The following ZNF470 variants were observed in gnomAD, a reference collection of about 807,000 sequenced individuals.
ZNF470 encodes zinc finger protein 470.
In ZNF470, 13 loss-of-function variants were observed where a neutral mutation model predicts 13.9. The observed-to-expected ratio is 0.94, with a 90% CI of 0.61 to 1.49. ZNF470 has a LOEUF of 1.49. ZNF470 is among the 40% of genes most tolerant of loss of function. The pLI, the probability that ZNF470 is intolerant of heterozygous loss-of-function variation, is 0.00. For missense variants in ZNF470, 929 were observed against 857.3 expected (o/e 1.08, Z -1.04); for synonymous variants, 293 against 282.9 (o/e 1.04, Z -0.36).
Position 56,579,988 on chromosome 19 carries a change from CA to C in ZNF470, c.*1406del. 1 of 321,446 alleles carries C rather than the reference CA, an allele frequency of 3.1e-6. No individual in the cohort carries two copies. Among genetic ancestry groups the C allele is most frequent in the Non-Finnish European group, 4.5e-6 (1 of 224,178 alleles). The allele number at this position is 321,446 out of a possible 1,614,324, so 19.9% of individuals were successfully genotyped here. On this transcript the variant is annotated 3_prime_UTR_variant, in exon 6 of 6. Transcript: ENST00000330619. ...ACACTATTTTAGGTGCTGGGGGATA[CA>C]GTAAGGTACAAGATGGACAAAAATA...
rs7508547 is a variant in ZNF470, at chr19:56,578,207, A to G, written c.1778A>G (p.Tyr593Cys). ...AGACTCCACAGTGGCAAAAGACCGT[A>G]TGAATGTCTTGAATGTGGGAAGGCA... ...HQRLHSGKRP[Y>C]ECLECGKAFR... The change falls in exon 6 of 6, where the codon TAT becomes TGT. Residue 593 changes from tyrosine (Y) to cysteine (C), a missense_variant. By Grantham distance (194) the Tyr-to-Cys change is radical. Transcript: ENST00000330619. 1.2e-6 allele frequency: 2 copies of G among 1,613,956 alleles called. No individual in the cohort carries two copies. The highest frequency in any genetic ancestry group is 1.7e-6 in the Non-Finnish European group (2 of 1,179,980).
chr19:56,577,117 T>C lies in ZNF470; in HGVS notation c.688T>C (p.Cys230Arg). 1 of 1,611,682 alleles carries C rather than the reference T, an allele frequency of 6.2e-7. No homozygotes were observed. Residue 230 changes from cysteine (C) to arginine (R), a missense_variant, in exon 6 of 6, where the codon TGT becomes CGT. By Grantham distance (180) the Cys-to-Arg change is radical (BLOSUM62 -3). Coordinates refer to ENST00000330619, the MANE Select transcript of ZNF470 (RefSeq NM_001001668.4). ...QDRGEKKLLK[C>R]NDCEKIFSKI... Reference sequence around the variant, plus strand: ...CCGTGGAGAAAAGAAACTTTTAAAATGTAATGACTGTGAGAAAATATTCAG... The same window carrying C: ...CCGTGGAGAAAAGAAACTTTTAAAACGTAATGACTGTGAGAAAATATTCAG...
chr19:56,576,604 A>G lies in ZNF470; in HGVS notation c.284-109A>G. The G allele has an allele frequency of 5.8e-6, 5 of 863,164 alleles. No homozygotes were observed. The South Asian group carries it at 1.8e-4, about 32-fold the overall frequency. 53.5% of individuals were successfully genotyped at this position (863,164 alleles called of 1,614,324 possible). A position where few individuals can be genotyped will look rare whatever the true frequency, so the allele number is the denominator to read the frequency against. On this transcript the variant is annotated intron_variant, in intron 5 of 5. Transcript: ENST00000330619. The stretch of plus-strand genomic sequence containing the variant: ...TTATGTAAGAACCATAAAAACATGT[A>G]CCTCTGCTTGTGGGTTTCAATAACT...
chr19:56,570,374 G>A lies in ZNF470; in HGVS notation c.60+3G>A. ...AACTTTGTAAAGCCATGTCCCTGGTGAGTTAGTATTCCCCCTCTCCCCACT... is the reference window on the plus strand; with the variant it reads ...AACTTTGTAAAGCCATGTCCCTGGTAAGTTAGTATTCCCCCTCTCCCCACT... On this transcript the variant is annotated splice_donor_region_variant and intron_variant, in intron 3 of 5. Coordinates refer to ENST00000330619, the MANE Select transcript of ZNF470 (RefSeq NM_001001668.4). 1.9e-6 allele frequency: 3 copies of A among 1,613,942 alleles called. No homozygotes were observed. Among genetic ancestry groups the A allele is most frequent in the Non-Finnish European group, 2.5e-6 (3 of 1,179,862 alleles).
chr19:56,567,996 A>C lies in ZNF470; in HGVS notation c.-201A>C. 1 of 985,574 alleles carries C rather than the reference A, an allele frequency of 1.0e-6. No homozygotes were observed. The allele number at this position is 985,574 out of a possible 1,614,324, so 61.1% of individuals were successfully genotyped here. On this transcript the variant is annotated 5_prime_UTR_variant, in exon 1 of 6. Transcript: ENST00000330619. ...GAGCCCAGGACAGGGCTCCATGTCC[A>C]CAGGACGGCGAGGAGCGAAGACCAT...
Position 56,570,285 on chromosome 19 carries a change from C to T in ZNF470, c.-27C>T. On this transcript the variant is annotated 5_prime_UTR_variant, in exon 3 of 6. Transcript: ENST00000330619. ...CTACTTCTTTTTCTCCCCAGCTCTA[C>T]AATCCCAGAGTAAAGCTCTTCTCCA... 1 of 1,612,072 alleles carries T rather than the reference C, an allele frequency of 6.2e-7. No individual in the cohort carries two copies. The highest frequency in any genetic ancestry group is 1.1e-5 in the South Asian group (1 of 91,006).
chr19:56,574,276 T>G, intron 3 of ZNF470, 118 bp from the exon 4 acceptor site: 1 of 1,452,650 alleles, frequency 6.9e-7, no homozygotes, highest in Non-Finnish European at 9.6e-7. Flanking sequence ...AGACCCTTAG[T>G]GCAGTTACTT....
In ZNF470 at chr19:56,582,188, T is replaced by G. The variant is rs2044540786; in HGVS notation, c.*3605T>G. On this transcript the variant is annotated 3_prime_UTR_variant, in exon 6 of 6. Coordinates refer to ENST00000330619, the MANE Select transcript of ZNF470 (RefSeq NM_001001668.4). ...GATGAGCAAACGCCTGATTATTCAT[T>G]ATAGTCACCTGGGATGAATAGAGGT... 1 of 985,420 alleles carries G rather than the reference T, an allele frequency of 1.0e-6. No individual in the cohort carries two copies. The highest frequency in any genetic ancestry group is 1.2e-6 in the Non-Finnish European group (1 of 829,928). The allele number at this position is 985,420 out of a possible 1,614,324, so 61.0% of individuals were successfully genotyped here.
rs780787611 is a variant in ZNF470 at position 56,577,796 on chromosome 19, A to G, written c.1367A>G (p.Asn456Ser). ...IHTGEKPYEC[N>S]ICEKAFSHRG... ...ACAGGAGAGAAACCTTATGAATGCA[A>G]TATCTGTGAGAAAGCCTTCAGCCAT... The change falls in exon 6 of 6, where the codon AAT (asparagine) becomes AGT (serine). Residue 456 changes from asparagine to serine, a missense_variant. By Grantham distance (46) the Asn-to-Ser change is conservative. Transcript: ENST00000330619. 5.0e-6 allele frequency: 8 copies of G among 1,613,866 alleles called. No individual in the cohort carries two copies. Among genetic ancestry groups the G allele is most frequent in the East Asian group, 2.2e-5 (1 of 44,806 alleles).
At chr19:56,574,371 A>C in intron 3 of ZNF470, 23 bp from the exon 4 acceptor site, 1 of 1,613,332 alleles carries the variant, frequency 6.2e-7, no homozygotes, top group Non-Finnish European at 8.5e-7. Flanking sequence ...TGAGTGAGCA[A>C]GATCATATTT....
In ZNF470 at chr19:56,580,070, G is replaced by A. The variant is rs561966957; in HGVS notation, c.*1487G>A. Reference sequence around the variant, plus strand: ...AAATTAAATGCATGCTATGTGATAAGTATATGATATGTCCCATAAAGAGAA... The same window carrying A: ...AAATTAAATGCATGCTATGTGATAAATATATGATATGTCCCATAAAGAGAA... On this transcript the variant is annotated 3_prime_UTR_variant, in exon 6 of 6. Transcript: ENST00000330619. 1.3e-6 allele frequency: 1 copy of A among 791,846 alleles called. No homozygotes were observed. Among genetic ancestry groups the A allele is most frequent in the African/African-American group, 1.9e-5 (1 of 53,304 alleles). 49.1% of individuals were successfully genotyped at this position (791,846 alleles called of 1,614,324 possible).
rs940351499 is a variant in ZNF470 at position 56,567,560 on chromosome 19, C to G, written c.-637C>G. ...GGGCGGGGCAGCGGCCGAGGCTGGA[C>G]TGGGGCGCGGCGGGGGCGGTGTCCT... On this transcript the variant is annotated 5_prime_UTR_variant, in exon 1 of 6. Coordinates refer to ENST00000330619, the MANE Select transcript of ZNF470 (RefSeq NM_001001668.4). 6.1e-6 allele frequency: 6 copies of G among 985,764 alleles called. No homozygotes were observed. The African/African-American group carries it at 8.8e-5, about 14-fold the overall frequency. The allele number at this position is 985,764 out of a possible 1,614,324, so 61.1% of individuals were successfully genotyped here.
In ZNF470 at chr19:56,577,318, GCTCATCTTGTTC is replaced by G; in HGVS notation, c.890_901del (p.Ala297_Gln301delinsGlu). The G allele has an allele frequency of 6.2e-7, 1 of 1,613,762 alleles. No homozygotes were observed. On this transcript the variant is annotated inframe_deletion, in exon 6 of 6. Transcript: ENST00000330619. ...ATGTGGGAAAGCCTTCAGCCAGAAT[GCTCATCTTGTTC>G]AACACCAGAGAGTTCATACTGGAGA...
At chr19:56,568,538 C>T (rs2044427789) in intron 1 of ZNF470, among the ~76,000 whole-genome samples, 1 of 152,088 alleles carries the variant, frequency 6.6e-6, no homozygotes. Context: ...GGCTTCTCTC[C>T]CTCCCCTCTG....
Position 56,579,417 on chromosome 19 carries a change from G to A in ZNF470, c.*834G>A. The A allele has an allele frequency of 2.0e-6, 2 of 983,826 alleles. No homozygotes were observed. The highest frequency in any genetic ancestry group is 2.4e-6 in the Non-Finnish European group (2 of 828,526). 60.9% of individuals were successfully genotyped at this position (983,826 alleles called of 1,614,324 possible). A position where few individuals can be genotyped will look rare whatever the true frequency, so the allele number is the denominator to read the frequency against. On this transcript the variant is annotated 3_prime_UTR_variant, in exon 6 of 6. Transcript: ENST00000330619. ...CAGCTGGGCAGCAGAGCCAGACACT[G>A]TCTCAAGGAAAAACAAAGAACAAAA...
chr19:56,571,016 T>C (rs2044448214), intron 3 of ZNF470, among the ~76,000 whole-genome samples: 1 of 152,210 alleles, frequency 6.6e-6, no homozygotes, highest in Non-Finnish European at 1.5e-5. Flanking sequence ...TCCTACTCAC[T>C]GCTGAGGGCA....
rs939990554 is a variant in ZNF470, at chr19:56,579,554, A to G, written c.*971A>G. ...ATGAAACACTGAAAAGGGTAGTTCA[A>G]TACTTTGGCCTTTATAAAAGTACCA... On this transcript the variant is annotated 3_prime_UTR_variant, in exon 6 of 6. Coordinates refer to ENST00000330619, the MANE Select transcript of ZNF470 (RefSeq NM_001001668.4). The G allele has an allele frequency of 1.1e-5, 11 of 985,358 alleles. No individual in the cohort carries two copies. The highest frequency in any genetic ancestry group is 1.7e-5 in the African/African-American group (1 of 57,260). The allele number at this position is 985,358 out of a possible 1,614,324, so 61.0% of individuals were successfully genotyped here.
At chr19:56,574,570 T>C (rs1568494589) in intron 4 of ZNF470, 50 bp downstream of exon 4, 15 of 1,611,764 alleles carry the variant, frequency 9.3e-6, no homozygotes, top group Non-Finnish European at 1.3e-5. Context: ...TAGTCTTTTA[T>C]GCCATTATCA....
chr19:56,570,504 A>T, intron 3 of ZNF470, 133 bp downstream of exon 3: 2 of 826,994 alleles, frequency 2.4e-6, no homozygotes, highest in Non-Finnish European at 3.9e-6. Flanking sequence ...TCCCTTTCTG[A>T]TATGTGATGG....
Sources: gnomAD v4.1 joint callset for allele counts (sites outside exome capture counted in the v4.1 genomes callset) on GRCh38, gnomAD v4.1.1 for gene constraint, MANE v1.5 for transcripts, NCBI Gene and HGNC (gene_info 2026-07-23, HGNC 2026-07-21) for gene names.